The following ATP6V0D1 variants were observed in gnomAD, a reference collection of about 807,000 sequenced individuals.
ATP6V0D1 encodes the protein ATPase H+ transporting V0 subunit d1.
A neutral mutation model predicts 39.0 loss-of-function variants in ATP6V0D1; 13 were observed. The observed-to-expected ratio is 0.33, with a 90% confidence interval of 0.22 to 0.53. The LOEUF is 0.53. Among genes scored for constraint, ATP6V0D1 ranks in the 20% least tolerant of loss-of-function variants. The pLI, the probability that ATP6V0D1 is intolerant of heterozygous loss-of-function variation, is 0.94. For synonymous variants in ATP6V0D1, 191 were observed against 191.2 expected (o/e 1.00, Z 0.01); for missense variants, 272 against 470.9 (o/e 0.58, Z 3.91).
chr16:67,439,502 C>A, intron 4 of ATP6V0D1, 151 bp from the exon 5 acceptor site: 3 of 690,380 alleles, frequency 4.3e-6, no homozygotes, highest in South Asian at 3.5e-5. Flanking sequence ...GCCCTTACAG[C>A]AAAGCCAATG....
Position 67,452,314 on chromosome 16 carries a change from TG to T in ATP6V0D1, c.302+1229del, listed in dbSNP as rs573047491. 16 of 1,535,724 alleles carry T rather than the reference TG, an allele frequency of 1.0e-5. No homozygotes were observed. In the South Asian group the frequency reaches 1.5e-4, roughly 15 times the overall value. On this transcript the variant is annotated intron_variant, in intron 2 of 7. Coordinates refer to ENST00000290949, the MANE Select transcript of ATP6V0D1 (RefSeq NM_004691.5). ...CCAGGAGAGGGCCTGCTTCCTAGCT[TG>T]GGCATGTTCCCTGGCCCTTCAGGTG... is the stretch of plus-strand genomic sequence containing the variant.
At chr16:67,463,885 G>A (rs975188135) in intron 1 of ATP6V0D1, among the ~76,000 whole-genome samples, 4 of 152,216 alleles carry the variant, frequency 2.6e-5, no homozygotes, top group African/African-American at 7.2e-5. Context: ...CCCTGGGAGG[G>A]ACGTGGTCAC....
Position 67,456,283 on chromosome 16 carries a change from C to G in ATP6V0D1, c.131-2568G>C, listed in dbSNP as rs2041237138. On this transcript the variant is annotated intron_variant, in intron 1 of 7. Coordinates refer to ENST00000290949, the MANE Select transcript of ATP6V0D1 (RefSeq NM_004691.5). This position sits in a 1 kb window ranked among gnomAD's most constrained non-coding sequence, Gnocchi z 4.1. ...AAGTGCTGCGATTACAGGCGTGAAC[C>G]ACGTGTGCAAGTCTTTTTAAGAGAA... The G allele has an allele frequency of 6.6e-6, 1 of 152,156 alleles. No homozygotes were observed. The highest frequency in any genetic ancestry group is 2.4e-5 in the African/African-American group (1 of 41,424). The allele number at this position is 152,156 out of a possible 1,614,324, so 9.4% of individuals were successfully genotyped here. A position where few individuals can be genotyped will look rare whatever the true frequency, so the allele number is the denominator to read the frequency against.
chr16:67,457,412 C>G, intron 1 of ATP6V0D1: 1 of 414,776 alleles, frequency 2.4e-6, no homozygotes. Context: ...ATTCCCCAGC[C>G]CTTGACCCAG....
rs567667550 is a variant in ATP6V0D1, at chr16:67,447,580, C to A, written c.303-2874G>T. 6.6e-6 allele frequency among the ~76,000 whole-genome samples: 1 copy of A among 151,994 alleles called. No homozygotes were observed. The highest frequency in any genetic ancestry group is 2.4e-5 in the African/African-American group (1 of 41,400). On this transcript the variant is annotated intron_variant, in intron 2 of 7. Transcript: ENST00000290949. The surrounding 1 kb of genome is among the most constrained non-coding windows in gnomAD (Gnocchi z 4.1). ...GGAAGACAGCTGGGGAGTGGAGGGC[C>A]GGCTGCCCGCCAGGCCAAAGAGGCC...
intron 2 of ATP6V0D1, chr16:67,446,019 C>T (rs907455856): frequency 2.2e-6 from 1 of 452,020 alleles, no homozygotes; most frequent in Non-Finnish European, 4.5e-6. Context: ...GCACTGAACA[C>T]GGGTCTTGTC....
chr16:67,452,634 C>T (rs544005669), intron 2 of ATP6V0D1, among the ~76,000 whole-genome samples: 13 of 152,344 alleles, frequency 8.5e-5, no homozygotes, highest in Admixed American at 2.6e-4. Flanking sequence ...CTCTCCTAGA[C>T]GCTAGCCGCT....
intron 1 of ATP6V0D1, among the ~76,000 whole-genome samples, chr16:67,464,643 A>G (rs2041315215): frequency 6.6e-6 from 1 of 152,210 alleles, no homozygotes; most frequent in Non-Finnish European, 1.5e-5. Context: ...GGAGCCTCTG[A>G]GTGGCCACCA....
rs79562792 is a variant in ATP6V0D1 at position 67,469,016 on chromosome 16, A to T, written c.130+11941T>A. 5.7e-3 allele frequency among the ~76,000 whole-genome samples: 868 copies of T among 152,330 alleles called. 6 individuals are homozygous for T. Among genetic ancestry groups the T allele is most frequent in the African/African-American group, 0.019 (804 of 41,572 alleles). ...TGACCATAAATAGCTTCTCAGATAA[A>T]ATCGGGCTAAAGGCCAGGCGCGGTG... On this transcript the variant is annotated intron_variant, in intron 1 of 7. Transcript: ENST00000290949.
At position 67,463,558 on chromosome 16, in the gene ATP6V0D1, G is replaced by A. The variant is rs114323090; in HGVS notation, c.131-9843C>T. ...AAAGAAAGAAAAAAGAAAGAGGGAG[G>A]GAGGGAGGAAGAAGGGGAAAAAAAA... On this transcript the variant is annotated intron_variant, in intron 1 of 7. Transcript: ENST00000290949. Among the ~76,000 whole-genome samples, 1,220 of 151,078 alleles carry A rather than the reference G, an allele frequency of 8.1e-3. 19 individuals carry two copies. Among genetic ancestry groups the A allele is most frequent in the African/African-American group, 0.028 (1,148 of 41,154 alleles).
At chr16:67,466,326 TACACAC>T (rs536624557) in intron 1 of ATP6V0D1, among the ~76,000 whole-genome samples, 10,164 of 120,412 alleles carry the variant, frequency 0.084, 330 homozygotes, top group Middle Eastern at 0.18. Flanking sequence ...AGTAAACACA[TACACAC>T]ACACACACAC....
In ATP6V0D1 at chr16:67,438,826, G is replaced by T. The variant is rs1215683620; in HGVS notation, c.861C>A (p.Asp287Glu). The change falls in exon 7 of 8, where the codon GAC becomes GAA. Residue 287 changes from aspartate to glutamate, a missense_variant. Around this residue, in one of 4 missense-constraint regions of ATP6V0D1, gnomAD observed 21 missense variants for 16.5 expected, o/e 1.27. Transcript: ENST00000290949. ...CAAAGAATCGGTCCTCCAGCGTCTT[G>T]TCTCCAGGGTTGCTACCTGCACCCT... ...LFEGAGSNPG[D>E]KTLEDRFFEH... is the part of the protein sequence containing the mutation. 2 of 1,613,584 alleles carry T rather than the reference G, an allele frequency of 1.2e-6. No individual in the cohort carries two copies. The highest frequency in any genetic ancestry group is 4.5e-5 in the East Asian group (2 of 44,834).
intron 1 of ATP6V0D1, chr16:67,457,442 G>T: frequency 1.7e-6 from 1 of 582,330 alleles, no homozygotes; most frequent in Non-Finnish European, 2.7e-6. Flanking sequence ...TTCAGATACA[G>T]ACTCAGCTGT....
intron 1 of ATP6V0D1, among the ~76,000 whole-genome samples, chr16:67,479,725 C>A (rs946677036): frequency 6.6e-6 from 1 of 152,146 alleles, no homozygotes; most frequent in Non-Finnish European, 1.5e-5. Context: ...ATCCTCCCCC[C>A]ACCCAGCTAC....
intron 1 of ATP6V0D1, among the ~76,000 whole-genome samples, chr16:67,471,962 C>T (rs1036974564): frequency 3.3e-5 from 5 of 152,148 alleles, no homozygotes; most frequent in Admixed American, 3.3e-4. Flanking sequence ...CTAATTGTAT[C>T]ATACCACCAA....
chr16:67,476,924 T>C (rs1356597879), intron 1 of ATP6V0D1, among the ~76,000 whole-genome samples: 1 of 150,962 alleles, frequency 6.6e-6, no homozygotes, highest in East Asian at 1.9e-4. Flanking sequence ...TCCCATCTAC[T>C]TGGGAGACTG....
At chr16:67,468,485 G>T (rs150834012) in intron 1 of ATP6V0D1, among the ~76,000 whole-genome samples, 2 of 151,904 alleles carry the variant, frequency 1.3e-5, no homozygotes, top group East Asian at 3.9e-4. Context: ...ATACTTGGGG[G>T]GCTGAGTTGG....
In ATP6V0D1 at chr16:67,438,319, G is replaced by C. The variant is rs547618096; in HGVS notation, c.*209C>G. The C allele has an allele frequency of 1.5e-5, 7 of 475,978 alleles. No individual in the cohort carries two copies. Among genetic ancestry groups the C allele is most frequent in the Admixed American group, 7.4e-5 (2 of 27,050 alleles). 29.5% of individuals were successfully genotyped at this position (475,978 alleles called of 1,614,324 possible). A position where few individuals can be genotyped will look rare whatever the true frequency, so the allele number is the denominator to read the frequency against. Reference sequence around the variant, plus strand: ...GAGGGGGTCTTCGTCCATCCTTGGTGGGGGGGGGTGCCCAGCCCCTTTTCA... The same window carrying C: ...GAGGGGGTCTTCGTCCATCCTTGGTCGGGGGGGGTGCCCAGCCCCTTTTCA... On this transcript the variant is annotated 3_prime_UTR_variant, in exon 8 of 8. Transcript: ENST00000290949.
At chr16:67,450,389 C>T (rs77573731) in intron 2 of ATP6V0D1, among the ~76,000 whole-genome samples, 2,511 of 152,288 alleles carry the variant, frequency 0.016, 72 homozygotes, top group African/African-American at 0.056. Context: ...CCTGGGGGAG[C>T]TCAGGCCTCT....
Sources: gnomAD v4.1 joint callset for allele counts (sites outside exome capture counted in the v4.1 genomes callset) on GRCh38, gnomAD v4.1.1 for gene constraint, gnomAD v4.1.1 regional missense constraint, Gnocchi (gnomAD v3.1) non-coding constraint, MANE v1.5 for transcripts, NCBI Gene and HGNC (gene_info 2026-07-23, HGNC 2026-07-21) for gene names.